SCAI: variants seen among roughly 807,000 people sequenced by gnomAD.
SCAI encodes the protein suppressor of cancer cell invasion.
SCAI carries 24 observed loss-of-function variants against 92.2 expected under a neutral mutation model. That is an observed-to-expected ratio of 0.26 (90% CI 0.19 to 0.37). The LOEUF (loss-of-function observed/expected upper bound fraction) is 0.37. Among genes scored for constraint, SCAI ranks in the 10% least tolerant of loss-of-function variants. SCAI has a pLI of 1.00. For missense variants in SCAI, 450 were observed against 736.2 expected, an observed-to-expected ratio of 0.61 and a Z score of 4.50; for synonymous variants, 261 against 258.6, an observed-to-expected ratio of 1.01 and a Z score of -0.09.
chr9:125,039,742 C>T (rs1396167745), intron 3 of SCAI, among the ~76,000 whole-genome samples: 1 of 152,104 alleles, frequency 6.6e-6, no homozygotes, highest in Non-Finnish European at 1.5e-5. Flanking sequence ...GGTTTTAAGA[C>T]TTGCAATAGA....
chr9:125,072,022 G>A (rs1440267651), intron 2 of SCAI, among the ~76,000 whole-genome samples: 4 of 140,238 alleles, frequency 2.9e-5, no homozygotes, highest in African/African-American at 1.1e-4. Context: ...GGGGATAGTA[G>A]ATAGTCTTTT....
At chr9:124,968,944 G>C in intron 17 of SCAI, 2 of 249,676 alleles carry the variant, frequency 8.0e-6, no homozygotes, top group Non-Finnish European at 1.5e-5. Context: ...TTATTTTTTG[G>C]AAAAAAAAAA....
chr9:124,971,517 TTA>T, intron 16 of SCAI, 47 bp from the exon 17 acceptor site: 1 of 1,497,796 alleles, frequency 6.7e-7, no homozygotes, highest in Non-Finnish European at 9.2e-7. Flanking sequence ...TAAATGGAAA[TTA>T]TGTTTCAAAG....
intron 2 of SCAI, among the ~76,000 whole-genome samples, chr9:125,125,384 C>T (rs903724495): frequency 6.6e-6 from 1 of 151,848 alleles, no homozygotes; most frequent in African/African-American, 2.4e-5. Context: ...CAAAATTAGC[C>T]AGGTGTAGTG....
Position 125,142,651 on chromosome 9 carries a change from G to A in SCAI, c.80C>T (p.Pro27Leu). Residue 27 changes from proline (P) to leucine (L), a missense_variant, in exon 2 of 18, where the codon CCT becomes CTT. By Grantham distance (98) the Pro-to-Leu change is moderately conservative. Transcript: ENST00000336505. ...GCCTTACCTGCTTCTCCGTTTTCGA[G>A]GCGGTTTCTCCACTGTGCCAGTCAG... ...PRLTGTVEKP[P>L]RKRRSRTEFA... The A allele has an allele frequency of 1.2e-6, 2 of 1,613,950 alleles. No homozygotes were observed. The highest frequency in any genetic ancestry group is 1.7e-6 in the Non-Finnish European group (2 of 1,179,876).
intron 14 of SCAI, among the ~76,000 whole-genome samples, chr9:124,980,727 T>C (rs1226820990): frequency 6.6e-6 from 1 of 152,208 alleles, no homozygotes; most frequent in East Asian, 1.9e-4. Flanking sequence ...AAGTTTGTAC[T>C]TGGTTTTCTC....
chr9:124,992,622 G>A (rs10760387), intron 14 of SCAI, among the ~76,000 whole-genome samples: 81,600 of 151,736 alleles, frequency 0.54, 22,686 homozygotes, highest in South Asian at 0.58. Context: ...GACCCCAAGT[G>A]ATCCGCCCGC....
chr9:125,141,863 CAGG>C (rs572982928), intron 2 of SCAI, among the ~76,000 whole-genome samples: 45 of 152,276 alleles, frequency 3.0e-4, no homozygotes, highest in African/African-American at 1.0e-3. Context: ...TTGAGGATTA[CAGG>C]AGAAGATACA....
At chr9:125,109,884 C>T (rs1018262669) in intron 2 of SCAI, among the ~76,000 whole-genome samples, 4 of 152,116 alleles carry the variant, frequency 2.6e-5, no homozygotes, top group African/African-American at 7.2e-5. Flanking sequence ...GATGGGGTTT[C>T]GCCATGATGG....
rs1206805499 is a variant in SCAI, at chr9:125,091,959, A to C, written c.99-35952T>G. 6.6e-6 allele frequency among the ~76,000 whole-genome samples: 1 copy of C among 151,716 alleles called. No individual in the cohort carries two copies. The highest frequency in any genetic ancestry group is 1.5e-5 in the Non-Finnish European group (1 of 67,950). ...ACCCCGTCTCTACCAAAAATAAAAA[A>C]ATAAAAATAAAAATAAAAAAATTAG... On this transcript the variant is annotated intron_variant, in intron 2 of 17. Coordinates refer to ENST00000336505, the MANE Select transcript of SCAI (RefSeq NM_001144877.3). This position sits in a 1 kb window ranked among gnomAD's most constrained non-coding sequence, Gnocchi z 4.3.
intron 2 of SCAI, among the ~76,000 whole-genome samples, chr9:125,075,590 G>A (rs1834072220): frequency 6.8e-6 from 1 of 146,192 alleles, no homozygotes; most frequent in Non-Finnish European, 1.5e-5. Context: ...TTTCGAGATG[G>A]AGTTTCGCTC....
At chr9:125,136,752 C>G (rs947380491) in intron 2 of SCAI, among the ~76,000 whole-genome samples, 2 of 150,516 alleles carry the variant, frequency 1.3e-5, no homozygotes, top group African/African-American at 4.9e-5. Flanking sequence ...AGCCAGCATG[C>G]CCGGCAACTA....
intron 2 of SCAI, among the ~76,000 whole-genome samples, chr9:125,134,510 C>G (rs1159791368): frequency 1.3e-5 from 2 of 152,176 alleles, no homozygotes; most frequent in African/African-American, 4.8e-5. Context: ...CAAAAGCCCC[C>G]AAATCATACA....
chr9:125,061,138 AT>A (rs1833760580), intron 2 of SCAI, among the ~76,000 whole-genome samples: 1 of 152,172 alleles, frequency 6.6e-6, no homozygotes, highest in South Asian at 2.1e-4. Context: ...TCTACTAAAA[AT>A]ACAAAAAATT....
At chr9:125,139,263 A>C (rs1004601860) in intron 2 of SCAI, among the ~76,000 whole-genome samples, 4 of 152,152 alleles carry the variant, frequency 2.6e-5, no homozygotes, top group African/African-American at 9.7e-5. Context: ...AAATGCAAAA[A>C]TTAGCTGGGC....
intron 2 of SCAI, among the ~76,000 whole-genome samples, chr9:125,061,283 C>T (rs957943462): frequency 1.3e-5 from 2 of 151,608 alleles, no homozygotes; most frequent in Non-Finnish European, 2.9e-5. Context: ...GGCGATACAG[C>T]GAGACTCCGT....
rs145762061 is a variant in SCAI, at chr9:125,005,864, G to C, written c.862-2294C>G. Among the ~76,000 whole-genome samples the C allele has an allele frequency of 3.4e-3, 525 of 152,200 alleles. 6 individuals carry two copies. The highest frequency in any genetic ancestry group is 0.021 in the Admixed American group (324 of 15,268). On this transcript the variant is annotated intron_variant, in intron 9 of 17. Coordinates refer to ENST00000336505, the MANE Select transcript of SCAI (RefSeq NM_001144877.3). The stretch of plus-strand genomic sequence containing the variant: ...CTGCTCCAGAGACATAAACATGAAG[G>C]AAACTCTACCTTAGCCTTTGTTCTG...
At chr9:125,055,842 A>G in intron 3 of SCAI, 34 bp downstream of exon 3, 1 of 1,555,558 alleles carries the variant, frequency 6.4e-7, no homozygotes, top group Non-Finnish European at 8.7e-7. Context: ...ATGCAGAACT[A>G]AAGAAAAGTT....
intron 2 of SCAI, among the ~76,000 whole-genome samples, chr9:125,079,343 T>C (rs1324195805): frequency 6.6e-6 from 1 of 152,226 alleles, no homozygotes; most frequent in Non-Finnish European, 1.5e-5. Context: ...CAATCATTAA[T>C]GCTTAAATTG....
Sources: gnomAD v4.1 joint callset for allele counts (sites outside exome capture counted in the v4.1 genomes callset) on GRCh38, gnomAD v4.1.1 for gene constraint, Gnocchi (gnomAD v3.1) non-coding constraint, MANE v1.5 for transcripts, NCBI Gene and HGNC (gene_info 2026-07-23, HGNC 2026-07-21) for gene names.